Variants in DCC observed in about 807,000 individuals in gnomAD.
DCC encodes the protein netrin receptor DCC.
DCC carries 58 observed loss-of-function variants against 172.5 expected under a neutral mutation model. That is an observed-to-expected ratio of 0.34 (90% CI 0.27 to 0.42). The LOEUF (loss-of-function observed/expected upper bound fraction) is 0.42, where lower values mean the gene tolerates loss of function less well. Ranked by LOEUF, DCC falls within the 10% of genes least tolerant of loss-of-function variation. DCC has a pLI of 1.00. For synonymous variants in DCC, 709 were observed against 644.5 expected (o/e 1.10, Z -1.52); for missense variants, 1,740 against 1,791.0 (o/e 0.97, Z 0.51).
intron 1 of DCC, among the ~76,000 whole-genome samples, chr18:52,420,276 C>T (rs17669944): frequency 0.039 from 5,888 of 152,204 alleles, 165 homozygotes; most frequent in Non-Finnish European, 0.059. Flanking sequence ...ATCTCTAGAC[C>T]CAAGGAAAGC....
chr18:52,475,570 C>T lies in DCC; in HGVS notation c.91+134692C>T, dbSNP rs1343447938. ...GGAGGGTTTTTATTTAAAGGCAAAGCGAGTTCTTCTCATCAGCATCTCCTT... is the reference window on the plus strand; with the variant it reads ...GGAGGGTTTTTATTTAAAGGCAAAGTGAGTTCTTCTCATCAGCATCTCCTT... On this transcript the variant is annotated intron_variant, in intron 1 of 28. Coordinates refer to ENST00000442544, the MANE Select transcript of DCC (RefSeq NM_005215.4). Among the ~76,000 whole-genome samples, 5 of 152,024 alleles carry T rather than the reference C, an allele frequency of 3.3e-5. No homozygotes were observed. The South Asian group carries it at 6.2e-4, about 19-fold the overall frequency.
At chr18:53,178,267 A>C (rs2055139387) in intron 8 of DCC, among the ~76,000 whole-genome samples, 1 of 152,256 alleles carries the variant, frequency 6.6e-6, no homozygotes, top group African/African-American at 2.4e-5. Context: ...CTATAAATGC[A>C]ACCATGATCA....
At chr18:52,420,196 G>A (rs752663575) in intron 1 of DCC, among the ~76,000 whole-genome samples, 9 of 152,264 alleles carry the variant, frequency 5.9e-5, no homozygotes, top group Non-Finnish European at 1.0e-4. Flanking sequence ...TTGGGGAATC[G>A]GTTCTCAAGG....
At chr18:52,554,390 A>T (rs2032855091) in intron 1 of DCC, among the ~76,000 whole-genome samples, 1 of 152,084 alleles carries the variant, frequency 6.6e-6, no homozygotes, top group Non-Finnish European at 1.5e-5. Flanking sequence ...CTTGACTTGG[A>T]GTGACATTTT....
At position 53,182,587 on chromosome 18, in the gene DCC, C is replaced by T. The variant is rs181589724; in HGVS notation, c.1573+3471C>T. Among the ~76,000 whole-genome samples, 35 of 152,250 alleles carry T rather than the reference C, an allele frequency of 2.3e-4. No homozygotes were observed. In the East Asian group the frequency reaches 6.0e-3, roughly 26 times the overall value. ...ACTCACTTGCCGTCTTTCTTACGGA[C>T]ATTAGAATAAATAAATTATATTATC... On this transcript the variant is annotated intron_variant, in intron 9 of 28. Coordinates refer to ENST00000442544, the MANE Select transcript of DCC (RefSeq NM_005215.4).
chr18:53,456,825 A>G (rs2045488952), intron 23 of DCC, among the ~76,000 whole-genome samples: 1 of 152,226 alleles, frequency 6.6e-6, no homozygotes, highest in South Asian at 2.1e-4. Flanking sequence ...AGTCGTGTCA[A>G]GAACCAACAG....
At chr18:52,422,537 A>T (rs1987283791) in intron 1 of DCC, among the ~76,000 whole-genome samples, 1 of 152,182 alleles carries the variant, frequency 6.6e-6, no homozygotes, top group Non-Finnish European at 1.5e-5. Flanking sequence ...GTAAGGAAGG[A>T]TATACAAACT....
At chr18:52,679,176 A>G (rs1445002429) in intron 1 of DCC, among the ~76,000 whole-genome samples, 3 of 152,198 alleles carry the variant, frequency 2.0e-5, no homozygotes, top group Admixed American at 1.3e-4. Context: ...ACTATAAATA[A>G]TAACATTTAG....
chr18:52,857,151 C>CT (rs1173359725), intron 2 of DCC, among the ~76,000 whole-genome samples: 3 of 152,196 alleles, frequency 2.0e-5, no homozygotes, highest in African/African-American at 7.2e-5. Flanking sequence ...TATATTCCTT[C>CT]TTAAATAGAT....
intron 2 of DCC, among the ~76,000 whole-genome samples, chr18:52,803,838 T>G (rs2038038104): frequency 6.6e-6 from 1 of 152,248 alleles, no homozygotes; most frequent in African/African-American, 2.4e-5. Flanking sequence ...AATGACCTAA[T>G]ATTAACTAAG....
chr18:53,092,984 A>AT (rs2043035827), intron 7 of DCC, among the ~76,000 whole-genome samples: 1 of 151,838 alleles, frequency 6.6e-6, no homozygotes, highest in Non-Finnish European at 1.5e-5. Context: ...ATTTAAAAAA[A>AT]AGTGGGCCAG....
In DCC at chr18:52,888,130, G is replaced by T. The variant is rs187400994; in HGVS notation, c.413-17914G>T. Among the ~76,000 whole-genome samples the T allele has an allele frequency of 1.2e-3, 185 of 152,242 alleles. 1 individual carries two copies. The highest frequency in any genetic ancestry group is 4.2e-3 in the African/African-American group (175 of 41,542). ...AATACTTTTTCATCTAAATGTATTA[G>T]CACTGAGCATGCCCTCCCCTGTTGT... On this transcript the variant is annotated intron_variant, in intron 2 of 28. Transcript: ENST00000442544.
chr18:52,575,683 A>G (rs866460350), intron 1 of DCC, among the ~76,000 whole-genome samples: 27 of 152,272 alleles, frequency 1.8e-4, no homozygotes, highest in African/African-American at 5.8e-4. Context: ...TGCCTTTGAA[A>G]AAGGAAGGCA....
chr18:52,563,618 G>T (rs1690516423), intron 1 of DCC, among the ~76,000 whole-genome samples: 2 of 152,052 alleles, frequency 1.3e-5, no homozygotes, highest in Admixed American at 1.3e-4. Flanking sequence ...TGGTGACTAT[G>T]CCTTTTTGCA....
At chr18:52,642,060 GTGTATA>G (rs2034912168) in intron 1 of DCC, among the ~76,000 whole-genome samples, 1 of 5,272 alleles carries the variant, frequency 1.9e-4, no homozygotes, top group Non-Finnish European at 6.0e-4. Context: ...TGGTGTGTGT[GTGTATA>G]TATATATATA....
At chr18:52,622,326 A>G (rs1344184739) in intron 1 of DCC, among the ~76,000 whole-genome samples, 1 of 152,186 alleles carries the variant, frequency 6.6e-6, no homozygotes, top group Admixed American at 6.5e-5. Flanking sequence ...ACATTGTTCT[A>G]CAATCAGAAT....
At chr18:52,751,526 A>C (rs533806893) in intron 1 of DCC, among the ~76,000 whole-genome samples, 7 of 152,300 alleles carry the variant, frequency 4.6e-5, no homozygotes, top group African/African-American at 1.7e-4. Flanking sequence ...GGATTTACCT[A>C]TTTTAAAACC....
chr18:52,742,483 GCCTTGAA>G (rs1568075991), intron 1 of DCC, among the ~76,000 whole-genome samples: 1 of 152,134 alleles, frequency 6.6e-6, no homozygotes, highest in African/African-American at 2.4e-5. Flanking sequence ...TTTGTTCCCA[GCCTTGAA>G]TAATGCCTGA....
intron 1 of DCC, among the ~76,000 whole-genome samples, chr18:52,693,702 A>C (rs948960784): frequency 6.6e-6 from 1 of 152,014 alleles, no homozygotes; most frequent in Non-Finnish European, 1.5e-5. Context: ...AGCATCCTGT[A>C]GTCCCAGAGA....
Sources: allele counts gnomAD v4.1 joint callset (sites outside exome capture counted in the v4.1 genomes callset), GRCh38; gene constraint gnomAD v4.1.1; transcripts MANE v1.5; gene names NCBI Gene and HGNC (gene_info 2026-07-23, HGNC 2026-07-21).